Variants in CNTN1 observed in about 807,000 individuals in gnomAD.
CNTN1 encodes the protein contactin-1.
In CNTN1, 38 loss-of-function variants were observed where a neutral mutation model predicts 126.4. That is an observed-to-expected ratio of 0.30 (90% CI 0.23 to 0.39). CNTN1 has a LOEUF of 0.39. CNTN1 is among the 10% of genes least tolerant of loss of function. CNTN1 has a pLI of 1.00. For synonymous variants in CNTN1, 413 were observed against 422.6 expected (o/e 0.98, Z 0.28); for missense variants, 1,009 against 1,248.4 (o/e 0.81, Z 2.89).
rs66808071 is a variant in CNTN1, at chr12:41,053,428, AATATATATATATATATATATATAT to A, written c.2981-16514_2981-16491del. Among the ~76,000 whole-genome samples the A allele has an allele frequency of 3.5e-3, 226 of 64,114 alleles. 6 individuals are homozygous for A. In the Middle Eastern group the frequency reaches 0.037, roughly 11 times the overall value. The allele number at this position is 64,114 out of a possible 152,430, so 42.1% of individuals were successfully genotyped here. A position where few individuals can be genotyped will look rare whatever the true frequency, so the allele number is the denominator to read the frequency against. On this transcript the variant is annotated intron_variant, in intron 23 of 23. Coordinates refer to ENST00000551295, the MANE Select transcript of CNTN1 (RefSeq NM_001843.4). ...TTTTGTCTCTTTCATGTTTTCACTA[AATATATATATATATATATATATAT>A]ATATATATATATATATTTGCCAATA...
chr12:40,694,171 G>A (rs948579925), intron 1 of CNTN1, among the ~76,000 whole-genome samples: 1 of 152,162 alleles, frequency 6.6e-6, no homozygotes, highest in African/African-American at 2.4e-5. Flanking sequence ...GGGGATCTGG[G>A]AATGGATCCA....
chr12:40,941,674 C>G (rs531914199), intron 12 of CNTN1, among the ~76,000 whole-genome samples: 1 of 152,114 alleles, frequency 6.6e-6, no homozygotes, highest in South Asian at 2.1e-4. Context: ...TCTAAGGTCA[C>G]TTTTATTTAA....
chr12:40,880,380 T>G (rs1159094587), intron 1 of CNTN1, among the ~76,000 whole-genome samples: 1 of 152,026 alleles, frequency 6.6e-6, no homozygotes, highest in East Asian at 1.9e-4. Flanking sequence ...CCTAAGTGGA[T>G]GTAAATACGT....
intron 16 of CNTN1, among the ~76,000 whole-genome samples, chr12:40,987,864 A>T (rs1278308500): frequency 2.0e-5 from 3 of 151,892 alleles, no homozygotes; most frequent in African/African-American, 4.8e-5. Context: ...CTCTTCTGCC[A>T]TATCTTTACC....
intron 23 of CNTN1, among the ~76,000 whole-genome samples, chr12:41,036,332 A>G (rs1419210248): frequency 6.6e-6 from 1 of 152,166 alleles, no homozygotes; most frequent in Non-Finnish European, 1.5e-5. Flanking sequence ...GAGAGCAAGA[A>G]GAATGATGCT....
In CNTN1 at chr12:40,738,151, A is replaced by T. The variant is rs554902940; in HGVS notation, c.-77+45559A>T. Reference sequence around the variant, plus strand: ...AAGTGAAGGGGAACTGCTGTATCACATACCAAATTTAGCATAATTTCATAA... The same window carrying T: ...AAGTGAAGGGGAACTGCTGTATCACTTACCAAATTTAGCATAATTTCATAA... On this transcript the variant is annotated intron_variant, in intron 1 of 23. Coordinates refer to ENST00000551295, the MANE Select transcript of CNTN1 (RefSeq NM_001843.4). Among the ~76,000 whole-genome samples the T allele has an allele frequency of 3.9e-5, 6 of 152,214 alleles. No individual in the cohort carries two copies. The South Asian group carries it at 1.2e-3, about 32-fold the overall frequency.
At chr12:40,709,158 G>A (rs1030119809) in intron 1 of CNTN1, among the ~76,000 whole-genome samples, 31 of 152,142 alleles carry the variant, frequency 2.0e-4, no homozygotes, top group Admixed American at 8.5e-4. Flanking sequence ...TTGATTCATG[G>A]CTGCAGAATG....
intron 6 of CNTN1, 84 bp from the exon 7 acceptor site, chr12:40,929,712 G>A: frequency 1.0e-6 from 1 of 999,538 alleles, no homozygotes; most frequent in Admixed American, 2.0e-5. Flanking sequence ...TAGATTAAGT[G>A]ATAGCTTGTT....
intron 1 of CNTN1, among the ~76,000 whole-genome samples, chr12:40,899,672 T>C (rs1186732399): frequency 6.6e-6 from 1 of 152,144 alleles, no homozygotes; most frequent in African/African-American, 2.4e-5. Context: ...TCACTTAACA[T>C]ACTTACTACG....
At chr12:40,887,315 A>C (rs1451661868) in intron 1 of CNTN1, among the ~76,000 whole-genome samples, 2 of 152,166 alleles carry the variant, frequency 1.3e-5, no homozygotes, top group East Asian at 1.9e-4. Context: ...TAGAATTTAC[A>C]AGAAAAAAAC....
chr12:41,064,266 T>A (rs1460966934), intron 23 of CNTN1, among the ~76,000 whole-genome samples: 5 of 151,848 alleles, frequency 3.3e-5, no homozygotes, highest in Non-Finnish European at 7.4e-5. Context: ...AATTATCTGC[T>A]CCAGTGTGCC....
intron 1 of CNTN1, among the ~76,000 whole-genome samples, chr12:40,848,022 C>T (rs1476983796): frequency 6.6e-6 from 1 of 152,202 alleles, no homozygotes; most frequent in African/African-American, 2.4e-5. Flanking sequence ...GCTCAGGCAG[C>T]AATGCTTGCC....
chr12:40,976,825 G>A (rs11179277), intron 15 of CNTN1, among the ~76,000 whole-genome samples: 17,861 of 152,122 alleles, frequency 0.12, 1,102 homozygotes, highest in Non-Finnish European at 0.12. Flanking sequence ...GTTTGTCTCC[G>A]TGCTCTATTT....
At chr12:41,053,388 C>A (rs1402259963) in intron 23 of CNTN1, among the ~76,000 whole-genome samples, 2 of 128,028 alleles carry the variant, frequency 1.6e-5, no homozygotes, top group South Asian at 2.3e-4. Context: ...AGTTCACAGA[C>A]AAAATTTATT....
intron 14 of CNTN1, among the ~76,000 whole-genome samples, chr12:40,946,131 C>T (rs1419297578): frequency 1.3e-5 from 2 of 152,056 alleles, no homozygotes; most frequent in Non-Finnish European, 2.9e-5. Flanking sequence ...TCTTTCAAAC[C>T]AACACAAGAC....
At chr12:40,721,024 TTAAAC>T (rs1942195129) in intron 1 of CNTN1, among the ~76,000 whole-genome samples, 1 of 151,268 alleles carries the variant, frequency 6.6e-6, no homozygotes, top group Middle Eastern at 3.4e-3. Flanking sequence ...GTCAGATTGT[TTAAAC>T]TGAAATCCAG....
chr12:40,839,090 T>C (rs983275310), intron 1 of CNTN1, among the ~76,000 whole-genome samples: 1 of 152,006 alleles, frequency 6.6e-6, no homozygotes, highest in African/African-American at 2.4e-5. Context: ...AAAAAACAAA[T>C]AGAAATTCTG....
At chr12:40,781,204 G>C (rs1379623976) in intron 1 of CNTN1, among the ~76,000 whole-genome samples, 1 of 151,988 alleles carries the variant, frequency 6.6e-6, no homozygotes, top group African/African-American at 2.4e-5. Flanking sequence ...GATAGGTAAA[G>C]TGCTAGGAAC....
At chr12:40,830,559 A>G (rs1941774809) in intron 1 of CNTN1, among the ~76,000 whole-genome samples, 1 of 151,422 alleles carries the variant, frequency 6.6e-6, no homozygotes, top group Non-Finnish European at 1.5e-5. Flanking sequence ...TGTATAAAAA[A>G]TTCTGAAGTA....
Sources: gnomAD v4.1 joint callset for allele counts (sites outside exome capture counted in the v4.1 genomes callset) on GRCh38, gnomAD v4.1.1 for gene constraint, MANE v1.5 for transcripts, NCBI Gene and HGNC (gene_info 2026-07-23, HGNC 2026-07-21) for gene names.